HECW2: variants seen among roughly 807,000 people sequenced by gnomAD.
HECW2 encodes HECT, C2 and WW domain containing E3 ubiquitin protein ligase 2, also known as E3 ubiquitin-protein ligase HECW2.
In HECW2, 61 loss-of-function variants were observed where a neutral mutation model predicts 175.2. The ratio of observed to expected loss-of-function variants is 0.35; its 90% CI spans 0.28 to 0.43. The LOEUF (loss-of-function observed/expected upper bound fraction) is 0.43. Ranked by LOEUF, HECW2 falls within the 20% of genes least tolerant of loss-of-function variation. The pLI, the probability that HECW2 is intolerant of heterozygous loss-of-function variation, is 1.00. For synonymous variants in HECW2, 671 were observed against 731.0 expected (o/e 0.92, Z 1.32); for missense variants, 1,524 against 2,000.5 (o/e 0.76, Z 4.54).
At chr2:196,442,378 G>A (rs1394805128) in intron 1 of HECW2, among the ~76,000 whole-genome samples, 7 of 152,192 alleles carry the variant, frequency 4.6e-5, no homozygotes, top group Admixed American at 4.6e-4. Context: ...ATATGTTGCT[G>A]AGAGGATAGT....
intron 1 of HECW2, among the ~76,000 whole-genome samples, chr2:196,540,019 G>A (rs555551200): frequency 6.6e-5 from 10 of 152,276 alleles, no homozygotes; most frequent in South Asian, 4.1e-4. Flanking sequence ...TTGTTTTGAC[G>A]TAGGTACAGC....
chr2:196,202,789 T>C (rs1198167530), intron 28 of HECW2, among the ~76,000 whole-genome samples: 1 of 152,112 alleles, frequency 6.6e-6, no homozygotes, highest in East Asian at 1.9e-4. Flanking sequence ...ACAGATAGAG[T>C]ATTCCTTATC....
At chr2:196,357,319 G>T (rs73988186) in intron 2 of HECW2, among the ~76,000 whole-genome samples, 3 of 136,354 alleles carry the variant, frequency 2.2e-5, no homozygotes, top group African/African-American at 1.0e-4. Flanking sequence ...CAACCCTGGT[G>T]GGGGGCTTGG....
chr2:196,386,303 G>A (rs1459656903), intron 2 of HECW2, among the ~76,000 whole-genome samples: 1 of 152,134 alleles, frequency 6.6e-6, no homozygotes, highest in African/African-American at 2.4e-5. Flanking sequence ...AGGGAAAGCT[G>A]GGGCTTGAGA....
intron 1 of HECW2, among the ~76,000 whole-genome samples, chr2:196,479,927 T>C (rs961632422): frequency 6.6e-6 from 1 of 152,188 alleles, no homozygotes; most frequent in African/African-American, 2.4e-5. Context: ...ATTTATGCAT[T>C]ATTCATGCTT....
rs200189265 is a variant in HECW2, at chr2:196,271,234, T to C, written c.3294A>G (p.Leu1098=). ...TGGTAAGATCAGGTTGACGCTCCTGTAGAATTTCAAAGATATTGGGTTGAC... is the reference window on the plus strand; with the variant it reads ...TGGTAAGATCAGGTTGACGCTCCTGCAGAATTTCAAAGATATTGGGTTGAC... ...FLRQPNIFEI[L]QERQPDLTRN... is the part of the protein sequence containing the mutation. Residue 1098 remains leucine, a synonymous_variant, in exon 17 of 29, where the codon CTA becomes CTG. Coordinates refer to ENST00000644978, the MANE Select transcript of HECW2 (RefSeq NM_001348768.2). The C allele has an allele frequency of 1.2e-6, 2 of 1,612,268 alleles. No individual in the cohort carries two copies. The highest frequency in any genetic ancestry group is 8.5e-7 in the Non-Finnish European group (1 of 1,178,308).
At chr2:196,355,472 A>C (rs1229489856) in intron 2 of HECW2, among the ~76,000 whole-genome samples, 1 of 152,200 alleles carries the variant, frequency 6.6e-6, no homozygotes, top group African/African-American at 2.4e-5. Context: ...CCCCTGTAAC[A>C]AGGCTCAAAG....
At position 196,207,296 on chromosome 2, in the gene HECW2, A is replaced by G. The variant is rs75972519; in HGVS notation, c.4608-5908T>C. Among the ~76,000 whole-genome samples the G allele has an allele frequency of 0.011, 1,667 of 152,354 alleles. 71 individuals carry two copies. In the East Asian group the frequency reaches 0.16, roughly 14 times the overall value. ...CGTGAAATCAGCATGAGAAATCCAA[A>G]GTTACCAATTAAATAGAGTGATCGA... On this transcript the variant is annotated intron_variant, in intron 28 of 28. Coordinates refer to ENST00000644978, the MANE Select transcript of HECW2 (RefSeq NM_001348768.2).
intron 1 of HECW2, among the ~76,000 whole-genome samples, chr2:196,489,178 T>A (rs1402778564): frequency 6.6e-6 from 1 of 152,170 alleles, no homozygotes; most frequent in Non-Finnish European, 1.5e-5. Flanking sequence ...GAAGACAGCA[T>A]GAGGTCATAA....
chr2:196,407,005 G>C (rs887504140), intron 2 of HECW2, among the ~76,000 whole-genome samples: 1 of 152,098 alleles, frequency 6.6e-6, no homozygotes, highest in Admixed American at 6.6e-5. Flanking sequence ...CACAAGTTGG[G>C]AGACGCTCTG....
At chr2:196,238,409 A>T (rs1688328869) in intron 21 of HECW2, 1 of 151,566 alleles carries the variant, frequency 6.6e-6, no homozygotes, top group African/African-American at 2.4e-5. Context: ...AGGCTAAAAG[A>T]GCTCCTTACT....
chr2:196,521,472 T>C (rs1290886053), intron 1 of HECW2, among the ~76,000 whole-genome samples: 11 of 151,972 alleles, frequency 7.2e-5, no homozygotes, highest in Admixed American at 7.2e-4. Context: ...TTATTTTATT[T>C]TATTTCATTT....
At chr2:196,447,534 G>C (rs913167172) in intron 1 of HECW2, among the ~76,000 whole-genome samples, 1 of 152,132 alleles carries the variant, frequency 6.6e-6, no homozygotes, top group Non-Finnish European at 1.5e-5. Context: ...CAAAACCACT[G>C]AGTAATAAGG....
At chr2:196,429,320 G>C (rs1171687490) in intron 2 of HECW2, among the ~76,000 whole-genome samples, 1 of 152,168 alleles carries the variant, frequency 6.6e-6, no homozygotes, top group Admixed American at 6.5e-5. Flanking sequence ...AGAGCGAAGG[G>C]GGCAGAAAAT....
Position 196,443,618 on chromosome 2 carries a change from C to G in HECW2, c.-35-10160G>C, listed in dbSNP as rs1372801176. On this transcript the variant is annotated intron_variant, in intron 1 of 28. Coordinates refer to ENST00000644978, the MANE Select transcript of HECW2 (RefSeq NM_001348768.2). ...TTCACTACCTTTTAAAAATTCCAAC[C>G]TATTTTTCAGTAAACATACATGAAG... Among the ~76,000 whole-genome samples, 30 of 152,190 alleles carry G rather than the reference C, an allele frequency of 2.0e-4. 1 individual carries two copies. The highest frequency in any genetic ancestry group is 2.0e-3 in the Admixed American group (30 of 15,284).
At chr2:196,219,639 A>T (rs955684230) in intron 26 of HECW2, among the ~76,000 whole-genome samples, 1 of 152,232 alleles carries the variant, frequency 6.6e-6, no homozygotes, top group Non-Finnish European at 1.5e-5. Context: ...TGAACAGTGG[A>T]AAAACTGTGC....
chr2:196,415,544 G>A (rs951348448), intron 2 of HECW2, among the ~76,000 whole-genome samples: 15 of 140,496 alleles, frequency 1.1e-4, no homozygotes, highest in African/African-American at 4.1e-4. Flanking sequence ...TTCCTGTGGT[G>A]TAAATGCTCT....
chr2:196,442,625 C>T (rs922759941), intron 1 of HECW2, among the ~76,000 whole-genome samples: 4 of 152,166 alleles, frequency 2.6e-5, no homozygotes, highest in Non-Finnish European at 5.9e-5. Flanking sequence ...CCATTAAAAA[C>T]ATATTTTTAA....
chr2:196,237,378 T>C (rs1365265006), intron 21 of HECW2, among the ~76,000 whole-genome samples: 1 of 152,208 alleles, frequency 6.6e-6, no homozygotes, highest in African/African-American at 2.4e-5. Context: ...AAGTTCAATG[T>C]ATCATTCTTA....
Sources: gnomAD v4.1 joint callset for allele counts (sites outside exome capture counted in the v4.1 genomes callset) on GRCh38, gnomAD v4.1.1 for gene constraint, MANE v1.5 for transcripts, NCBI Gene and HGNC (gene_info 2026-07-23, HGNC 2026-07-21) for gene names.